The following PTGER3 variants were observed in gnomAD, a reference collection of about 807,000 sequenced individuals.
PTGER3 encodes prostaglandin E2 receptor EP3 subtype.
PTGER3 carries 22 observed loss-of-function variants against 34.7 expected under a neutral mutation model. That is an observed-to-expected ratio of 0.63 (90% CI 0.45 to 0.91). PTGER3 has a LOEUF of 0.91. Ranked by LOEUF, PTGER3 falls within the 40% of genes least tolerant of loss-of-function variation. The probability of loss-of-function intolerance (pLI) is 0.00; values close to 1 mark genes in which losing one functional copy is unlikely to be tolerated. For missense variants in PTGER3, 468 were observed against 519.4 expected (o/e 0.90, Z 0.96); for synonymous variants, 241 against 230.1 (o/e 1.05, Z -0.43).
At chr1:70,917,297 T>G (rs1647196362) in intron 4 of PTGER3, among the ~76,000 whole-genome samples, 2 of 151,866 alleles carry the variant, frequency 1.3e-5, no homozygotes, top group South Asian at 4.1e-4. Context: ...GCTGTTTGTC[T>G]TTTTGTGCCT....
intron 2 of PTGER3, among the ~76,000 whole-genome samples, chr1:71,005,373 A>G (rs995124228): frequency 3.9e-5 from 6 of 152,180 alleles, no homozygotes; most frequent in African/African-American, 9.6e-5. Flanking sequence ...ATATCCTACA[A>G]TGTCCTTCCT....
At chr1:70,958,316 T>C (rs761825622) in intron 2 of PTGER3, among the ~76,000 whole-genome samples, 8 of 152,198 alleles carry the variant, frequency 5.3e-5, no homozygotes, top group South Asian at 2.1e-4. Flanking sequence ...TTTCCACCAA[T>C]CGTGTGTAAG....
intron 4 of PTGER3, among the ~76,000 whole-genome samples, chr1:70,897,034 C>T (rs186368224): frequency 3.3e-5 from 5 of 152,220 alleles, no homozygotes; most frequent in African/African-American, 9.6e-5. Flanking sequence ...CGATGAGGAA[C>T]GGTGTTTCTC....
chr1:71,032,814 G>A (rs1572984707), intron 1 of PTGER3, among the ~76,000 whole-genome samples: 1 of 152,092 alleles, frequency 6.6e-6, no homozygotes, highest in Admixed American at 6.5e-5. Flanking sequence ...TTAAAAGTAG[G>A]GAGTATTAAT....
intron 2 of PTGER3, among the ~76,000 whole-genome samples, chr1:71,004,293 C>T (rs1656745176): frequency 6.6e-6 from 1 of 152,006 alleles, no homozygotes; most frequent in African/African-American, 2.4e-5. Flanking sequence ...TAGGTAAACC[C>T]ATCTTCCCAT....
intron 4 of PTGER3, among the ~76,000 whole-genome samples, chr1:70,895,320 A>C (rs1026190221): frequency 7.9e-5 from 12 of 152,186 alleles, no homozygotes; most frequent in African/African-American, 2.2e-4. Flanking sequence ...CAACTCAAAC[A>C]ATCCAAGCTT....
intron 2 of PTGER3, among the ~76,000 whole-genome samples, chr1:71,004,190 T>G (rs1172180126): frequency 2.6e-5 from 4 of 152,226 alleles, no homozygotes; most frequent in Admixed American, 1.3e-4. Flanking sequence ...TTATCCATAG[T>G]CTTTTGTAAC....
At chr1:71,045,845 G>A (rs138518638) in intron 1 of PTGER3, among the ~76,000 whole-genome samples, 34 of 152,160 alleles carry the variant, frequency 2.2e-4, no homozygotes, top group Non-Finnish European at 4.0e-4. Flanking sequence ...AGGCTGAGGA[G>A]GCAACTCGTA....
chr1:70,852,555 TA>T (rs781344647), exon 5 of PTGER3: 12 of 457,194 alleles, frequency 2.6e-5, no homozygotes, highest in East Asian at 1.2e-4. Context: ...TAATTTTCAA[TA>T]AAAAAATGCA....
At chr1:71,004,359 C>CTA (rs1038217213) in intron 2 of PTGER3, among the ~76,000 whole-genome samples, 3 of 152,118 alleles carry the variant, frequency 2.0e-5, no homozygotes, top group Non-Finnish European at 4.4e-5. Context: ...GACTTGAACT[C>CTA]TGTTATCAAA....
chr1:70,898,961 A>T (rs534482510), intron 4 of PTGER3, among the ~76,000 whole-genome samples: 3 of 151,988 alleles, frequency 2.0e-5, no homozygotes, highest in Non-Finnish European at 4.4e-5. Context: ...CCATCTGAGC[A>T]TCCTCTCTTT....
intron 4 of PTGER3, among the ~76,000 whole-genome samples, chr1:70,942,256 C>T (rs959234269): frequency 1.3e-5 from 2 of 152,152 alleles, no homozygotes; most frequent in Non-Finnish European, 2.9e-5. Context: ...CCAGGAATCA[C>T]TTTGTGGAAG....
chr1:71,041,101 A>G (rs1245959189), intron 1 of PTGER3, among the ~76,000 whole-genome samples: 1 of 152,222 alleles, frequency 6.6e-6, no homozygotes. Context: ...TCAACTTAAA[A>G]CAGGGTTACG....
At chr1:70,990,911 G>A (rs531783684) in intron 2 of PTGER3, among the ~76,000 whole-genome samples, 2 of 152,066 alleles carry the variant, frequency 1.3e-5, no homozygotes, top group Non-Finnish European at 2.9e-5. Flanking sequence ...CTACAATTCC[G>A]TTTCACAAAT....
At chr1:71,005,882 T>A in intron 2 of PTGER3, 1 of 919,234 alleles carries the variant, frequency 1.1e-6, no homozygotes. Flanking sequence ...TTTATTTATG[T>A]ATTTATTTTA....
At chr1:70,964,894 CCA>C (rs1652349272) in intron 2 of PTGER3, among the ~76,000 whole-genome samples, 1 of 152,136 alleles carries the variant, frequency 6.6e-6, no homozygotes, top group South Asian at 2.1e-4. Context: ...GATAGACACA[CCA>C]GACGTGGAAG....
intron 4 of PTGER3, among the ~76,000 whole-genome samples, chr1:70,890,466 T>C (rs903898676): frequency 4.6e-5 from 7 of 152,158 alleles, no homozygotes; most frequent in African/African-American, 1.4e-4. Flanking sequence ...TCAAAACAAC[T>C]ATAATACAAA....
chr1:70,961,326 T>G (rs191903168), intron 2 of PTGER3, among the ~76,000 whole-genome samples: 2 of 152,222 alleles, frequency 1.3e-5, no homozygotes, highest in Admixed American at 6.5e-5. Context: ...GTTTTTCCAC[T>G]TGGTTTCAGT....
intron 4 of PTGER3, among the ~76,000 whole-genome samples, chr1:70,862,652 C>G (rs1379197204): frequency 1.3e-5 from 2 of 152,008 alleles, no homozygotes; most frequent in East Asian, 3.9e-4. Context: ...CCAAAGAAAA[C>G]AAACATGAAG....
Sources: allele counts gnomAD v4.1 joint callset (sites outside exome capture counted in the v4.1 genomes callset), GRCh38; gene constraint gnomAD v4.1.1; transcripts MANE v1.5; gene names NCBI Gene and HGNC (gene_info 2026-07-23, HGNC 2026-07-21).